DHRS9: variants seen among roughly 807,000 people sequenced by gnomAD.
DHRS9 encodes dehydrogenase/reductase 9.
A neutral mutation model predicts 26.6 loss-of-function variants in DHRS9; 18 were observed. That is an observed-to-expected ratio of 0.68 (90% confidence interval 0.47 to 1.00). DHRS9 has a LOEUF of 1.00. DHRS9 is among the 50% of genes least tolerant of loss of function. The probability of loss-of-function intolerance (pLI) is 0.00; values close to 1 mark genes in which losing one functional copy is unlikely to be tolerated. For synonymous variants in DHRS9, 134 were observed against 141.1 expected, an observed-to-expected ratio of 0.95 and a Z score of 0.36; for missense variants, 425 against 378.7, an observed-to-expected ratio of 1.12 and a Z score of -1.01.
At chr2:169,092,363 T>G (rs1684557019) in intron 4 of DHRS9, among the ~76,000 whole-genome samples, 1 of 152,204 alleles carries the variant, frequency 6.6e-6, no homozygotes, top group African/African-American at 2.4e-5. Flanking sequence ...AGCTGTACAC[T>G]TGGCATTAAG....
Position 169,081,681 on chromosome 2 carries a change from A to G in DHRS9, c.100A>G (p.Ile34Val), listed in dbSNP as rs1457811510. The change falls in exon 2 of 5, where the codon ATC becomes GTC. Residue 34 changes from isoleucine to valine, a missense_variant. Transcript: ENST00000674881. ...AGACATCACTGATAAGTACATTTTT[A>G]TCACTGGATGTGACTCGGGCTTTGG... is the stretch of plus-strand genomic sequence containing the variant. ...IEDITDKYIF[I>V]TGCDSGFGNL... The G allele has an allele frequency of 6.2e-7, 1 of 1,614,220 alleles. No individual in the cohort carries two copies. Among genetic ancestry groups the G allele is most frequent in the Non-Finnish European group, 8.5e-7 (1 of 1,180,038 alleles).
Position 169,083,366 on chromosome 2 carries a change from C to A in DHRS9, c.351C>A (p.Gly117=). Residue 117 remains glycine, a synonymous_variant, in exon 3 of 5, where the codon GGC becomes GGA. Coordinates refer to ENST00000674881, the MANE Select transcript of DHRS9 (RefSeq NM_001376924.1). ...WGLINNAGVP[G]VLAPTDWLTL... is the part of the protein sequence containing the mutation. ...TGATCAATAATGCTGGTGTTCCCGG[C>A]GTGCTGGCTCCCACTGACTGGCTGA... 5 of 1,614,072 alleles carry A rather than the reference C, an allele frequency of 3.1e-6. No homozygotes were observed. Among genetic ancestry groups the A allele is most frequent in the Non-Finnish European group, 4.2e-6 (5 of 1,179,978 alleles).
intron 1 of DHRS9, chr2:169,070,280 A>G: frequency 1.0e-6 from 1 of 985,466 alleles, no homozygotes; most frequent in East Asian, 1.1e-4. Flanking sequence ...TGATCCCTGG[A>G]TCCAGGGGTG....
intron 3 of DHRS9, among the ~76,000 whole-genome samples, chr2:169,090,280 G>A (rs1341838790): frequency 6.6e-6 from 1 of 152,114 alleles, no homozygotes; most frequent in Non-Finnish European, 1.5e-5. Flanking sequence ...TTACTTACCT[G>A]GTAAGCTTAG....
intron 3 of DHRS9, among the ~76,000 whole-genome samples, chr2:169,088,806 A>C (rs1394055752): frequency 6.6e-6 from 1 of 152,228 alleles, no homozygotes; most frequent in Non-Finnish European, 1.5e-5. Flanking sequence ...TATTTAGGGA[A>C]TCATATAGAA....
In DHRS9 at chr2:169,095,756, A is replaced by G. The variant is rs1362227955; in HGVS notation, c.949A>G (p.Lys317Glu). 1 of 1,613,566 alleles carries G rather than the reference A, an allele frequency of 6.2e-7. No homozygotes were observed. Residue 317 changes from lysine (K) to glutamate (E), a missense_variant, in exon 5 of 5, where the codon AAG (lysine) becomes GAG (glutamate). Physicochemically the swap from Lys to Glu is moderately conservative, Grantham distance 56. Transcript: ENST00000674881. ...ACAGAAAGCAGAGCTGGCTAATCCC[A>G]AGGCAGTGTGACTCAGCTAACCACA... is the stretch of plus-strand genomic sequence containing the variant. ...LKQKAELANPKAV is the reference protein window; with the variant it reads ...LKQKAELANPEAV
intron 3 of DHRS9, among the ~76,000 whole-genome samples, chr2:169,087,110 T>G (rs574720639): frequency 1.3e-5 from 2 of 152,306 alleles, no homozygotes; most frequent in South Asian, 4.1e-4. Flanking sequence ...AGATGCCATG[T>G]GGAAGCCAGG....
At chr2:169,074,343 C>T (rs1683897840) in intron 1 of DHRS9, 4 of 985,442 alleles carry the variant, frequency 4.1e-6, no homozygotes, top group Non-Finnish European at 4.8e-6. Flanking sequence ...CTGCTTGCTT[C>T]TGAGGTCTGG....
chr2:169,068,887 C>T (rs1013027730), upstream of DHRS9, among the ~76,000 whole-genome samples: 5 of 152,156 alleles, frequency 3.3e-5, no homozygotes, highest in African/African-American at 1.2e-4. Context: ...CTCCTCCCCT[C>T]CTCGCCTGCG....
chr2:169,072,654 T>C (rs1395554028), intron 1 of DHRS9: 6 of 985,348 alleles, frequency 6.1e-6, no homozygotes, highest in Non-Finnish European at 7.2e-6. Context: ...CTTTGGCTGC[T>C]GACAGGCAGT....
rs539211796 is a variant in DHRS9, at chr2:169,094,667, C to T, written c.737-877C>T. Among the ~76,000 whole-genome samples the T allele has an allele frequency of 1.5e-4, 23 of 151,604 alleles. No individual in the cohort carries two copies. In the Middle Eastern group the frequency reaches 0.01, roughly 67 times the overall value. ...AAAGTGCTGTAATTACAGGTGTGAG[C>T]CACCATGCCAGGCCTCTTTTGGCAG... On this transcript the variant is annotated intron_variant, in intron 4 of 4. Transcript: ENST00000674881.
intron 1 of DHRS9, among the ~76,000 whole-genome samples, 163 bp downstream of exon 1, chr2:169,069,880 G>A (rs1683747847): frequency 6.6e-6 from 1 of 152,164 alleles, no homozygotes; most frequent in Non-Finnish European, 1.5e-5. Flanking sequence ...GATGGGAGCT[G>A]GGTCCATCTC....
At chr2:169,075,753 GA>G (rs1477859520) in intron 1 of DHRS9, among the ~76,000 whole-genome samples, 1 of 152,104 alleles carries the variant, frequency 6.6e-6, no homozygotes, top group African/African-American at 2.4e-5. Flanking sequence ...AGCACTGGAA[GA>G]TGTTTCCCCA....
Position 169,083,426 on chromosome 2 carries a change from C to A in DHRS9, c.411C>A (p.Asn137Lys). Residue 137 changes from asparagine (N) to lysine (K), a missense_variant, in exon 3 of 5, where the codon AAC (asparagine) becomes AAA (lysine). By Grantham distance (94) the Asn-to-Lys change is moderately conservative. Transcript: ENST00000674881. ...ACTACAGAGAACCTATTGAAGTGAA[C>A]CTGTTTGGACTCATCAGTGTGACAC... ...LEDYREPIEV[N>K]LFGLISVTLN... 6.2e-7 allele frequency: 1 copy of A among 1,614,100 alleles called. No individual in the cohort carries two copies. Among genetic ancestry groups the A allele is most frequent in the Non-Finnish European group, 8.5e-7 (1 of 1,179,994 alleles).
At chr2:169,091,635 C>T (rs890971504) in intron 3 of DHRS9, among the ~76,000 whole-genome samples, 155 bp from the exon 4 acceptor site, 2 of 152,240 alleles carry the variant, frequency 1.3e-5, no homozygotes, top group African/African-American at 2.4e-5. Context: ...AGTTTCCTCA[C>T]TTGCAAAATG....
intron 1 of DHRS9, among the ~76,000 whole-genome samples, chr2:169,076,183 T>C (rs1276968789): frequency 5.9e-5 from 9 of 152,218 alleles, no homozygotes; most frequent in Admixed American, 5.9e-4. Context: ...TCAGAATGGA[T>C]TCATGAATTC....
chr2:169,084,560 T>C (rs1336636961), intron 3 of DHRS9, among the ~76,000 whole-genome samples: 4 of 152,208 alleles, frequency 2.6e-5, no homozygotes, highest in Non-Finnish European at 4.4e-5. Context: ...TATTTCATTG[T>C]ACTTTTGATT....
At chr2:169,089,674 C>T (rs1198550824) in intron 3 of DHRS9, among the ~76,000 whole-genome samples, 2 of 152,202 alleles carry the variant, frequency 1.3e-5, no homozygotes, top group Admixed American at 6.5e-5. Context: ...GATAGAGCAA[C>T]TTCATTTTGC....
chr2:169,087,233 G>A (rs1684380253), intron 3 of DHRS9, among the ~76,000 whole-genome samples: 2 of 152,084 alleles, frequency 1.3e-5, no homozygotes, highest in Non-Finnish European at 2.9e-5. Context: ...CTTTTCACAA[G>A]CAGAGGAGTC....
Sources: allele counts gnomAD v4.1 joint callset (sites outside exome capture counted in the v4.1 genomes callset), GRCh38; gene constraint gnomAD v4.1.1; transcripts MANE v1.5; gene names NCBI Gene and HGNC (gene_info 2026-07-23, HGNC 2026-07-21).